The following LOXHD1 variants were observed in gnomAD, a reference collection of about 807,000 sequenced individuals.
LOXHD1 encodes lipoxygenase homology PLAT domains 1.
Under a neutral mutation model 248.2 loss-of-function variants are expected in LOXHD1, and 205 were observed. The observed-to-expected ratio is 0.83, with a 90% CI of 0.74 to 0.93. LOXHD1 has a LOEUF of 0.93. Ranked by LOEUF, LOXHD1 falls within the 40% of genes least tolerant of loss-of-function variation. The pLI, the probability that LOXHD1 is intolerant of heterozygous loss-of-function variation, is 0.00. For missense variants in LOXHD1, 2,930 were observed against 2,971.6 expected, an observed-to-expected ratio of 0.99 and a Z score of 0.33; for synonymous variants, 1,113 against 1,162.8, an observed-to-expected ratio of 0.96 and a Z score of 0.87.
intron 4 of LOXHD1, among the ~76,000 whole-genome samples, chr18:46,626,138 C>A (rs1177206237): frequency 6.6e-6 from 1 of 152,188 alleles, no homozygotes; most frequent in African/African-American, 2.4e-5. Context: ...ATAAGGATGT[C>A]TATCACAGCA....
chr18:46,583,153 A>G (rs1382225624), intron 12 of LOXHD1, among the ~76,000 whole-genome samples: 1 of 152,214 alleles, frequency 6.6e-6, no homozygotes, highest in African/African-American at 2.4e-5. Context: ...TACCCATAAA[A>G]CTGGCTCAAG....
chr18:46,488,146 G>T (rs1239452835), intron 38 of LOXHD1, among the ~76,000 whole-genome samples: 1 of 152,198 alleles, frequency 6.6e-6, no homozygotes, highest in Non-Finnish European at 1.5e-5. Context: ...AGCCTTAAAA[G>T]GCTTCAAGAG....
chr18:46,642,134 C>A, intron 2 of LOXHD1, 98 bp from the exon 3 acceptor site: 2 of 1,071,288 alleles, frequency 1.9e-6, no homozygotes, highest in Admixed American at 4.0e-5. Flanking sequence ...TCCATCATCC[C>A]ACTCCTGGGG....
intron 28 of LOXHD1, among the ~76,000 whole-genome samples, chr18:46,531,427 T>C (rs1373192233): frequency 2.6e-5 from 4 of 151,980 alleles, no homozygotes. Flanking sequence ...TTCCCCCTCA[T>C]CCATTTTCTA....
At chr18:46,655,997 C>A (rs949501183) in intron 1 of LOXHD1, among the ~76,000 whole-genome samples, 2 of 152,092 alleles carry the variant, frequency 1.3e-5, no homozygotes, top group South Asian at 2.1e-4. Flanking sequence ...CATGGGCAGG[C>A]ACAGAGCACA....
chr18:46,541,393 G>A (rs1476263831), intron 25 of LOXHD1, among the ~76,000 whole-genome samples: 2 of 152,180 alleles, frequency 1.3e-5, no homozygotes, highest in African/African-American at 2.4e-5. Context: ...TTAATGACTG[G>A]AGTAAGGATT....
intron 8 of LOXHD1, among the ~76,000 whole-genome samples, chr18:46,600,431 T>G (rs2038317047): frequency 6.6e-6 from 1 of 152,116 alleles, no homozygotes; most frequent in Admixed American, 6.5e-5. Context: ...AAACCCCATC[T>G]CTACTAAAAA....
In LOXHD1 at chr18:46,545,627, CTTTTTTTT is replaced by C. The variant is rs56323729; in HGVS notation, c.3515-214_3515-207del. Among the ~76,000 whole-genome samples the C allele has an allele frequency of 1.2e-4, 11 of 92,236 alleles. No individual in the cohort carries two copies. In the Admixed American group the frequency reaches 1.3e-3, roughly 11 times the overall value. The allele number at this position is 92,236 out of a possible 152,430, so 60.5% of individuals were successfully genotyped here. ...GTTTCTATGTTCCTCTTGGCCATTT[CTTTTTTTT>C]TTTTTTTTTTTTGAGACGGAGTCTC... On this transcript the variant is annotated intron_variant, in intron 22 of 40. Coordinates refer to ENST00000642948, the MANE Select transcript of LOXHD1 (RefSeq NM_001384474.1).
chr18:46,486,398 T>G, intron 38 of LOXHD1, among the ~76,000 whole-genome samples: 1 of 152,134 alleles, frequency 6.6e-6, no homozygotes, highest in East Asian at 1.9e-4. Context: ...CCTCTGTAAC[T>G]TTTCTCAAGG....
At position 46,592,122 on chromosome 18, in the gene LOXHD1, G is replaced by T. The variant is rs753835648; in HGVS notation, c.1519-54C>A. ...TGGTGCACCAGGGATGTTCACCGAT[G>T]CCCTGCAGTCCCCATTCTGCTATCT... is the stretch of plus-strand genomic sequence containing the variant. On this transcript the variant is annotated intron_variant, in intron 11 of 40. Coordinates refer to ENST00000642948, the MANE Select transcript of LOXHD1 (RefSeq NM_001384474.1). 245 of 1,547,998 alleles carry T rather than the reference G, an allele frequency of 1.6e-4. 1 individual carries two copies. The highest frequency in any genetic ancestry group is 2.1e-4 in the Non-Finnish European group (237 of 1,143,398).
intron 21 of LOXHD1, among the ~76,000 whole-genome samples, chr18:46,549,450 G>T (rs1210806155): frequency 6.6e-6 from 1 of 152,190 alleles, no homozygotes; most frequent in African/African-American, 2.4e-5. Context: ...TCAAGTATGA[G>T]TAAATCCTGG....
At chr18:46,604,299 A>G in intron 6 of LOXHD1, 70 bp from the exon 7 acceptor site, 2 of 1,531,334 alleles carry the variant, frequency 1.3e-6, no homozygotes, top group Non-Finnish European at 1.8e-6. Flanking sequence ...ATCTAATCCA[A>G]TCTTCCAATC....
intron 27 of LOXHD1, 90 bp from the exon 28 acceptor site, chr18:46,533,414 G>A (rs952958077): frequency 1.8e-5 from 26 of 1,444,794 alleles, no homozygotes; most frequent in African/African-American, 4.3e-5. Flanking sequence ...TGGAGACCAA[G>A]GACAAGGATC....
rs778568636 is a variant in LOXHD1 at position 46,505,856 on chromosome 18, C to A, written c.5860G>T (p.Val1954Phe). The change falls in exon 37 of 41, where the codon GTC becomes TTC. Residue 1954 changes from valine to phenylalanine, a missense_variant. Physicochemically the swap from Val to Phe is conservative, Grantham distance 50. Coordinates refer to ENST00000642948, the MANE Select transcript of LOXHD1 (RefSeq NM_001384474.1). ...GAGCTACCTTTGTTGTCGTGCCAGACCCTCAGCTTGCAGAGGTGGCCCAAG... is the reference window on the plus strand; with the variant it reads ...GAGCTACCTTTGTTGTCGTGCCAGAACCTCAGCTTGCAGAGGTGGCCCAAG... ...LSLGHLCKLR[V>F]WHDNKGIFPG... is the part of the protein sequence containing the mutation. The A allele has an allele frequency of 1.9e-6, 3 of 1,551,710 alleles. No homozygotes were observed. The East Asian group carries it at 7.3e-5, about 38-fold the overall frequency.
At chr18:46,560,048 T>TGCCGCCCCCC in intron 19 of LOXHD1, 35 bp downstream of exon 19, 3 of 1,226,296 alleles carry the variant, frequency 2.4e-6, no homozygotes, top group Middle Eastern at 2.1e-4. Flanking sequence ...GTCTGGCCAC[T>TGCCGCCCCCC]CCCTCCCCAC....
intron 38 of LOXHD1, 94 bp from the exon 39 acceptor site, chr18:46,485,245 T>C (rs1010021547): frequency 7.6e-6 from 11 of 1,452,740 alleles, no homozygotes; most frequent in Admixed American, 2.1e-5. Context: ...GGTCCTTCAT[T>C]TGATCTTAGG....
intron 33 of LOXHD1, 76 bp downstream of exon 33, chr18:46,521,021 C>A (rs1465762463): frequency 6.7e-7 from 1 of 1,484,554 alleles, no homozygotes; most frequent in Non-Finnish European, 9.1e-7. Flanking sequence ...TCTTCCACTT[C>A]TGTCTCCCCT....
At chr18:46,645,834 A>G (rs1425982984) in intron 2 of LOXHD1, among the ~76,000 whole-genome samples, 1 of 152,160 alleles carries the variant, frequency 6.6e-6, no homozygotes, top group Non-Finnish European at 1.5e-5. Flanking sequence ...ACAGAAGGAA[A>G]GGCACAAGAA....
intron 21 of LOXHD1, among the ~76,000 whole-genome samples, chr18:46,551,199 T>C (rs1385961131): frequency 6.6e-6 from 1 of 151,326 alleles, no homozygotes; most frequent in Non-Finnish European, 1.5e-5. Context: ...ACCTCCTGGG[T>C]TGACGCCATT....
Sources: allele counts gnomAD v4.1 joint callset (sites outside exome capture counted in the v4.1 genomes callset), GRCh38; gene constraint gnomAD v4.1.1; transcripts MANE v1.5; gene names NCBI Gene and HGNC (gene_info 2026-07-23, HGNC 2026-07-21).